The following RAB5C variants were observed in gnomAD, a reference collection of about 807,000 sequenced individuals.
RAB5C encodes the protein RAB5C, member RAS oncogene family, also known as ras-related protein Rab-5C.
RAB5C carries 4 observed loss-of-function variants against 25.2 expected under a neutral mutation model. The ratio of observed to expected loss-of-function variants is 0.16; its 90% CI spans 0.08 to 0.36. The LOEUF (loss-of-function observed/expected upper bound fraction) is 0.36, where lower values mean the gene tolerates loss of function less well. RAB5C is among the 10% of genes least tolerant of loss of function. RAB5C has a pLI of 1.00. For missense variants in RAB5C, 199 were observed against 283.8 expected (o/e 0.70, Z 2.15); for synonymous variants, 100 against 106.4 (o/e 0.94, Z 0.37).
intron 1 of RAB5C, among the ~76,000 whole-genome samples, chr17:42,138,539 C>T (rs1172987583): frequency 6.6e-6 from 1 of 152,194 alleles, no homozygotes; most frequent in Non-Finnish European, 1.5e-5. Context: ...TAAATTATCC[C>T]AGAGGGGCAC....
intron 1 of RAB5C, among the ~76,000 whole-genome samples, chr17:42,141,837 A>C (rs1233243781): frequency 6.6e-6 from 1 of 152,150 alleles, no homozygotes; most frequent in Non-Finnish European, 1.5e-5. Context: ...AGCATTCAGT[A>C]CATGTTCTGT....
At chr17:42,144,888 C>T (rs111315309) in intron 1 of RAB5C, among the ~76,000 whole-genome samples, 135 of 117,384 alleles carry the variant, frequency 1.2e-3, no homozygotes, top group Middle Eastern at 7.4e-3. Context: ...GATTGCCCCA[C>T]TGCATCCAGC....
intron 1 of RAB5C, among the ~76,000 whole-genome samples, chr17:42,133,343 A>G (rs113938388): frequency 0.012 from 1,789 of 152,328 alleles, 39 homozygotes; most frequent in African/African-American, 0.041. Flanking sequence ...TGCTTAGGGT[A>G]CCGAGCTGGG....
chr17:42,153,462 C>T (rs2079685176), intron 1 of RAB5C, among the ~76,000 whole-genome samples: 1 of 152,070 alleles, frequency 6.6e-6, no homozygotes, highest in Non-Finnish European at 1.5e-5. Context: ...CCTAGCTCTA[C>T]TCAAAAGACT....
rs1229402406 is a variant in RAB5C at position 42,125,696 on chromosome 17, C to T, written c.*87G>A. 15 of 919,706 alleles carry T rather than the reference C, an allele frequency of 1.6e-5. No individual in the cohort carries two copies. The highest frequency in any genetic ancestry group is 5.3e-5 in the East Asian group (2 of 37,616). The allele number at this position is 919,706 out of a possible 1,614,324, so 57.0% of individuals were successfully genotyped here. A position where few individuals can be genotyped will look rare whatever the true frequency, so the allele number is the denominator to read the frequency against. On this transcript the variant is annotated 3_prime_UTR_variant, in exon 6 of 6. Coordinates refer to ENST00000346213, the MANE Select transcript of RAB5C (RefSeq NM_004583.4). ...TCCCCCTGCCCCCCCAGTGGTGGCC[C>T]GAGTCGTTAAGTGCGATTGGTTAGA... is the stretch of plus-strand genomic sequence containing the variant.
chr17:42,154,327 G>A lies in RAB5C; in HGVS notation c.-89+566C>T, dbSNP rs73986527. On this transcript the variant is annotated intron_variant, in intron 1 of 5. Transcript: ENST00000346213. ...CAGGAAAACAGCTCATTTCTAGTAAGTGACTTTAAACTCAGCTGAGGTCCT... is the reference window on the plus strand; with the variant it reads ...CAGGAAAACAGCTCATTTCTAGTAAATGACTTTAAACTCAGCTGAGGTCCT... Among the ~76,000 whole-genome samples the A allele has an allele frequency of 7.4e-3, 1,132 of 152,320 alleles. 13 individuals carry two copies. The highest frequency in any genetic ancestry group is 0.026 in the African/African-American group (1,075 of 41,564).
At chr17:42,144,770 T>C (rs1598255828) in intron 1 of RAB5C, among the ~76,000 whole-genome samples, 1 of 151,030 alleles carries the variant, frequency 6.6e-6, no homozygotes, top group East Asian at 1.9e-4. Context: ...CTACTAAAAA[T>C]ACAAAAATTA....
intron 1 of RAB5C, among the ~76,000 whole-genome samples, chr17:42,132,225 G>C (rs1271195771): frequency 1.3e-5 from 2 of 152,148 alleles, no homozygotes; most frequent in Admixed American, 1.3e-4. Context: ...TGAGCTTCAG[G>C]AAGAATGATT....
At chr17:42,145,794 A>G (rs115404353) in intron 1 of RAB5C, among the ~76,000 whole-genome samples, 2,399 of 152,154 alleles carry the variant, frequency 0.016, 64 homozygotes, top group African/African-American at 0.055. Context: ...TTGAGAAGAG[A>G]TTCTCTTTAT....
At chr17:42,126,232 G>A (rs796794804) in intron 5 of RAB5C, among the ~76,000 whole-genome samples, 3 of 152,234 alleles carry the variant, frequency 2.0e-5, no homozygotes, top group African/African-American at 7.2e-5. Context: ...CTCAGAGAGT[G>A]AAATGTTGAG....
intron 1 of RAB5C, among the ~76,000 whole-genome samples, chr17:42,143,086 T>G (rs1426922218): frequency 6.6e-6 from 1 of 152,158 alleles, no homozygotes; most frequent in East Asian, 1.9e-4. Flanking sequence ...GCAGTATGAA[T>G]GGGTGAGTAG....
At chr17:42,142,326 C>A (rs919352073) in intron 1 of RAB5C, among the ~76,000 whole-genome samples, 5 of 152,210 alleles carry the variant, frequency 3.3e-5, no homozygotes, top group African/African-American at 1.2e-4. Flanking sequence ...TGAGCCACCG[C>A]GCCCAGCCCA....
In RAB5C at chr17:42,130,477, C is replaced by T. The variant is rs563186025; in HGVS notation, c.26G>A (p.Arg9Gln). ...GTTCCCAGCAGCTGGTCCATTGGGT[C>T]GTGCTGCGCCTCCCCGACCCGCCAT... The part of the protein sequence containing the change: MAGRGGAA[R>Q]PNGPAAGNKI... The change falls in exon 2 of 6, where the codon CGA becomes CAA. Residue 9 changes from arginine (R) to glutamine (Q), a missense_variant. Physicochemically the swap from Arg to Gln is conservative, Grantham distance 43. Coordinates refer to ENST00000346213, the MANE Select transcript of RAB5C (RefSeq NM_004583.4). The T allele has an allele frequency of 8.1e-6, 13 of 1,614,100 alleles. No individual in the cohort carries two copies. The highest frequency in any genetic ancestry group is 1.7e-5 in the Admixed American group (1 of 60,020).
intron 1 of RAB5C, among the ~76,000 whole-genome samples, chr17:42,140,549 A>T (rs1456663787): frequency 1.8e-5 from 2 of 112,690 alleles, no homozygotes; most frequent in African/African-American, 6.3e-5. Flanking sequence ...TTTGAGATGG[A>T]GTCTCGCTCT....
At chr17:42,150,380 C>G (rs1200125155) in intron 1 of RAB5C, among the ~76,000 whole-genome samples, 1 of 150,746 alleles carries the variant, frequency 6.6e-6, no homozygotes, top group Non-Finnish European at 1.5e-5. Flanking sequence ...CCTGTCTCTA[C>G]TAAAAGTACA....
chr17:42,151,385 C>A (rs1193410430), intron 1 of RAB5C, among the ~76,000 whole-genome samples: 1 of 151,274 alleles, frequency 6.6e-6, no homozygotes, highest in Non-Finnish European at 1.5e-5. Flanking sequence ...TGCAGTGAGC[C>A]AAGATCGCAC....
At chr17:42,146,909 G>A (rs961041093) in intron 1 of RAB5C, among the ~76,000 whole-genome samples, 4 of 151,836 alleles carry the variant, frequency 2.6e-5, no homozygotes, top group African/African-American at 9.7e-5. Context: ...GAGAGGCTGA[G>A]GCAGGAGAAT....
intron 1 of RAB5C, among the ~76,000 whole-genome samples, chr17:42,138,128 T>C (rs1436366389): frequency 1.3e-5 from 2 of 152,004 alleles, no homozygotes; most frequent in Non-Finnish European, 2.9e-5. Context: ...GTCTTTTCGA[T>C]GGGGAGAAAG....
intron 1 of RAB5C, among the ~76,000 whole-genome samples, chr17:42,132,849 GA>G (rs2054500084): frequency 6.6e-6 from 1 of 151,974 alleles, no homozygotes; most frequent in Admixed American, 6.6e-5. Context: ...TTTTCAGATA[GA>G]TAATTTAACA....
Sources: allele counts gnomAD v4.1 joint callset (sites outside exome capture counted in the v4.1 genomes callset), GRCh38; gene constraint gnomAD v4.1.1; transcripts MANE v1.5; gene names NCBI Gene and HGNC (gene_info 2026-07-23, HGNC 2026-07-21).